The following OXCT1 variants were observed in gnomAD, a reference collection of about 807,000 sequenced individuals.
The protein encoded by OXCT1 is 3-oxoacid CoA-transferase 1.
In OXCT1, 27 loss-of-function variants were observed where a neutral mutation model predicts 69.6. The ratio of observed to expected loss-of-function variants is 0.39; its 90% confidence interval spans 0.29 to 0.54. The LOEUF is 0.54. OXCT1 is among the 20% of genes least tolerant of loss of function. The probability of loss-of-function intolerance (pLI) is 0.72; values close to 1 mark genes in which losing one functional copy is unlikely to be tolerated. For missense variants in OXCT1, 437 were observed against 650.2 expected (o/e 0.67, Z 3.57); for synonymous variants, 202 against 217.8 (o/e 0.93, Z 0.64).
At chr5:41,744,843 T>C (rs1239909077) in intron 15 of OXCT1, among the ~76,000 whole-genome samples, 1 of 151,904 alleles carries the variant, frequency 6.6e-6, no homozygotes, top group Non-Finnish European at 1.5e-5. Flanking sequence ...TACATAATGG[T>C]AAAGGGATCA....
At chr5:41,799,971 G>A (rs1746351013) in intron 11 of OXCT1, among the ~76,000 whole-genome samples, 1 of 152,042 alleles carries the variant, frequency 6.6e-6, no homozygotes, top group Non-Finnish European at 1.5e-5. Context: ...AGTTTTGCGG[G>A]GGCAGAATGA....
At chr5:41,804,544 G>A (rs142601710) in intron 9 of OXCT1, among the ~76,000 whole-genome samples, 14 of 152,102 alleles carry the variant, frequency 9.2e-5, no homozygotes, top group East Asian at 3.9e-4. Context: ...AGGATAAGAC[G>A]GGTTGAGAAG....
At position 41,769,560 on chromosome 5, in the gene OXCT1, CAAA is replaced by C. The variant is rs1011999912; in HGVS notation, c.1249-7363_1249-7361del. Among the ~76,000 whole-genome samples the C allele has an allele frequency of 5.6e-3, 514 of 92,412 alleles. 5 individuals are homozygous for C. Among genetic ancestry groups the C allele is most frequent in the African/African-American group, 0.02 (494 of 25,084 alleles). 60.6% of individuals were successfully genotyped at this position (92,412 alleles called of 152,430 possible). ...CAATATAGAAAGACCCTATCTCTAC[CAAA>C]AAAAAAAAAAAAAAAAGTCACTAGA... is the stretch of plus-strand genomic sequence containing the variant. On this transcript the variant is annotated intron_variant, in intron 13 of 16. Coordinates refer to ENST00000196371, the MANE Select transcript of OXCT1 (RefSeq NM_000436.4).
chr5:41,812,480 C>G (rs1432235789), intron 7 of OXCT1, among the ~76,000 whole-genome samples: 1 of 151,946 alleles, frequency 6.6e-6, no homozygotes, highest in African/African-American at 2.4e-5. Context: ...TTTATCAGGG[C>G]TCCCACAAAA....
intron 13 of OXCT1, among the ~76,000 whole-genome samples, chr5:41,778,310 G>A (rs896418528): frequency 1.3e-5 from 2 of 152,166 alleles, no homozygotes; most frequent in African/African-American, 4.8e-5. Flanking sequence ...AATATGGGTA[G>A]TGTTGAATTG....
intron 11 of OXCT1, among the ~76,000 whole-genome samples, chr5:41,800,738 C>T (rs138472748): frequency 1.4e-4 from 22 of 152,120 alleles, no homozygotes; most frequent in African/African-American, 4.8e-4. Context: ...TTGTCCCTTC[C>T]TCTAACTCTC....
At chr5:41,766,995 T>C (rs186023380) in intron 13 of OXCT1, among the ~76,000 whole-genome samples, 20 of 152,236 alleles carry the variant, frequency 1.3e-4, no homozygotes, top group African/African-American at 2.2e-4. Flanking sequence ...TCAATCCAAA[T>C]GTAAGCCTCT....
At chr5:41,861,211 G>T in intron 3 of OXCT1, 103 bp downstream of exon 3, 1 of 799,010 alleles carries the variant, frequency 1.3e-6, no homozygotes, top group Non-Finnish European at 2.2e-6. Context: ...TGGACATATT[G>T]CTCATGTGAA....
chr5:41,748,163 T>C (rs551758500), intron 15 of OXCT1, among the ~76,000 whole-genome samples: 3 of 152,140 alleles, frequency 2.0e-5, no homozygotes, highest in South Asian at 2.1e-4. Context: ...TGAGAATAAA[T>C]TGTTGTGTGC....
chr5:41,799,452 T>C (rs1018749124), intron 11 of OXCT1, among the ~76,000 whole-genome samples: 5 of 152,194 alleles, frequency 3.3e-5, no homozygotes, highest in Non-Finnish European at 7.3e-5. Context: ...ACTTCAAGTG[T>C]TGAAGTTGAA....
At chr5:41,734,100 ATTTG>A (rs763767050) in intron 16 of OXCT1, among the ~76,000 whole-genome samples, 3 of 152,072 alleles carry the variant, frequency 2.0e-5, no homozygotes, top group South Asian at 2.1e-4. Context: ...CTAGTTTTTT[ATTTG>A]TTTGTTTGTT....
intron 13 of OXCT1, among the ~76,000 whole-genome samples, chr5:41,783,125 C>G (rs897179286): frequency 5.9e-5 from 9 of 152,152 alleles, no homozygotes; most frequent in Non-Finnish European, 1.3e-4. Flanking sequence ...TCAAAATAAT[C>G]TGAGGAAAAG....
rs1158577270 is a variant in OXCT1, at chr5:41,842,801, C to A, written c.565-20G>T. The A allele has an allele frequency of 2.0e-6, 3 of 1,474,836 alleles. No homozygotes were observed. The highest frequency in any genetic ancestry group is 1.7e-5 in the Admixed American group (1 of 59,818). The allele number at this position is 1,474,836 out of a possible 1,614,324, so 91.4% of individuals were successfully genotyped here. On this transcript the variant is annotated intron_variant, in intron 5 of 16. Transcript: ENST00000196371. ...CCTCACCTGCAGAAGAGGGAGAAGGCATCATCAGGTATTTGCATAGGTCTT... is the reference window on the plus strand; with the variant it reads ...CCTCACCTGCAGAAGAGGGAGAAGGAATCATCAGGTATTTGCATAGGTCTT...
chr5:41,761,977 C>T, intron 14 of OXCT1, 134 bp downstream of exon 14: 2 of 735,812 alleles, frequency 2.7e-6, no homozygotes, highest in Non-Finnish European at 5.1e-6. Context: ...ATCTTTCTCT[C>T]TCAAATGTAA....
At chr5:41,732,410 G>A (rs552083240) in intron 16 of OXCT1, among the ~76,000 whole-genome samples, 1 of 152,242 alleles carries the variant, frequency 6.6e-6, no homozygotes, top group East Asian at 1.9e-4. Flanking sequence ...GCTTTCCTGC[G>A]AATCTGCAAG....
chr5:41,794,169 C>T lies in OXCT1; in HGVS notation c.1173-91G>A, dbSNP rs1013393606. The T allele has an allele frequency of 1.6e-5, 14 of 867,064 alleles. No homozygotes were observed. In the African/African-American group the frequency reaches 2.2e-4, roughly 13 times the overall value. 53.7% of individuals were successfully genotyped at this position (867,064 alleles called of 1,614,324 possible). On this transcript the variant is annotated intron_variant, in intron 12 of 16. Coordinates refer to ENST00000196371, the MANE Select transcript of OXCT1 (RefSeq NM_000436.4). ...CAGCAATTAGAATAACTTCATACCA[C>T]CAAAATATACTTGCTTCCCCCACCA...
chr5:41,736,397 A>C (rs1742886198), intron 16 of OXCT1, among the ~76,000 whole-genome samples: 1 of 152,236 alleles, frequency 6.6e-6, no homozygotes, highest in Non-Finnish European at 1.5e-5. Flanking sequence ...AAACTGTGAC[A>C]GTCATTACAG....
chr5:41,780,664 C>T lies in OXCT1; in HGVS notation c.1248+13339G>A, dbSNP rs548659136. ...TAGGTATAAGAAATATAGAAATCAA[C>T]AGTTTTCCTTTATATTAGCAATAGA... On this transcript the variant is annotated intron_variant, in intron 13 of 16. Transcript: ENST00000196371. 5.3e-5 allele frequency among the ~76,000 whole-genome samples: 8 copies of T among 152,154 alleles called. 1 individual carries two copies. Among genetic ancestry groups the T allele is most frequent in the Admixed American group, 1.3e-4 (2 of 15,298 alleles).
At chr5:41,767,968 G>C (rs915853032) in intron 13 of OXCT1, among the ~76,000 whole-genome samples, 1 of 151,686 alleles carries the variant, frequency 6.6e-6, no homozygotes, top group African/African-American at 2.4e-5. Context: ...TTGCCTACTT[G>C]TTCTCCAAGA....
Sources: allele counts gnomAD v4.1 joint callset (sites outside exome capture counted in the v4.1 genomes callset), GRCh38; gene constraint gnomAD v4.1.1; transcripts MANE v1.5; gene names NCBI Gene and HGNC (gene_info 2026-07-23, HGNC 2026-07-21).